DHRS4L2: variants seen among roughly 807,000 people sequenced by gnomAD.
DHRS4L2 encodes the protein dehydrogenase/reductase 4 like 2.
A neutral mutation model predicts 23.9 loss-of-function variants in DHRS4L2; 22 were observed. That is an observed-to-expected ratio of 0.92 (90% CI 0.66 to 1.31). The LOEUF is 1.31. DHRS4L2 is among the 40% of genes most tolerant of loss of function. The pLI is 0.00. For missense variants in DHRS4L2, 385 were observed against 303.3 expected (o/e 1.27, Z -2.00); for synonymous variants, 141 against 123.7 (o/e 1.14, Z -0.93).
At chr14:23,977,595 A>T (rs2033991451) in intron 1 of DHRS4L2, among the ~76,000 whole-genome samples, 1 of 151,800 alleles carries the variant, frequency 6.6e-6, no homozygotes, top group Non-Finnish European at 1.5e-5. Context: ...AACCCCCAAA[A>T]TCACTTTAAG....
At chr14:23,994,148 G>C (rs904345022) in intron 2 of DHRS4L2, among the ~76,000 whole-genome samples, 1 of 151,762 alleles carries the variant, frequency 6.6e-6, no homozygotes, top group Non-Finnish European at 1.5e-5. Context: ...ATTTAAGCCA[G>C]TTTTTCCATT....
intron 1 of DHRS4L2, among the ~76,000 whole-genome samples, chr14:23,983,606 C>T (rs1259804961): frequency 6.6e-6 from 1 of 151,592 alleles, no homozygotes; most frequent in Non-Finnish European, 1.5e-5. Flanking sequence ...GCACTGTTCA[C>T]AGTAGCAAAG....
At chr14:24,000,660 T>G (rs2034467209) in intron 3 of DHRS4L2, among the ~76,000 whole-genome samples, 1 of 151,826 alleles carries the variant, frequency 6.6e-6, no homozygotes, top group Admixed American at 6.6e-5. Flanking sequence ...CTGAACCTAA[T>G]GTATCATTAT....
chr14:23,974,932 C>T (rs999239095), intron 1 of DHRS4L2, among the ~76,000 whole-genome samples: 5 of 151,748 alleles, frequency 3.3e-5, no homozygotes, highest in African/African-American at 4.8e-5. Flanking sequence ...CAAAGCTTGG[C>T]AGAGACACAA....
At chr14:23,986,772 G>C (rs1257413334), upstream of DHRS4L2, among the ~76,000 whole-genome samples, 1 of 149,216 alleles carries the variant, frequency 6.7e-6, no homozygotes, top group Non-Finnish European at 1.5e-5. Context: ...ACCAAGCCCT[G>C]AGAACCCCCG....
chr14:23,975,809 T>C (rs1302775861), intron 1 of DHRS4L2, among the ~76,000 whole-genome samples: 3 of 151,748 alleles, frequency 2.0e-5, no homozygotes, highest in Non-Finnish European at 4.4e-5. Context: ...ACCACACATC[T>C]TCAACCATCT....
At chr14:23,986,735 T>TA (rs2034150811), upstream of DHRS4L2, among the ~76,000 whole-genome samples, 1 of 151,012 alleles carries the variant, frequency 6.6e-6, no homozygotes. Context: ...AGAGATCAAA[T>TA]ACCCCCCTGG....
chr14:23,995,559 T>C (rs2034364418), intron 3 of DHRS4L2, among the ~76,000 whole-genome samples: 1 of 151,844 alleles, frequency 6.6e-6, no homozygotes, highest in Admixed American at 6.6e-5. Flanking sequence ...TTATTTAAAA[T>C]ACTAATTCTG....
At chr14:23,972,895 C>G (rs191340808) in intron 1 of DHRS4L2, among the ~76,000 whole-genome samples, 1,734 of 151,988 alleles carry the variant, frequency 0.011, 47 homozygotes, top group African/African-American at 0.04. Context: ...TGGACGTGCA[C>G]GTAAGCCAGA....
At chr14:23,979,022 A>T (rs1012810328) in intron 1 of DHRS4L2, among the ~76,000 whole-genome samples, 1 of 141,350 alleles carries the variant, frequency 7.1e-6, no homozygotes, top group Admixed American at 7.1e-5. Context: ...AAGAGTCAAG[A>T]CCCATCATTG....
At chr14:23,995,450 C>T (rs557011425) in intron 3 of DHRS4L2, among the ~76,000 whole-genome samples, 1 of 151,856 alleles carries the variant, frequency 6.6e-6, no homozygotes, top group East Asian at 1.9e-4. Flanking sequence ...GCTAATATGC[C>T]AACAACTACA....
At chr14:23,983,889 G>A (rs1178950471), upstream of DHRS4L2, among the ~76,000 whole-genome samples, 1 of 151,522 alleles carries the variant, frequency 6.6e-6, no homozygotes, top group African/African-American at 2.4e-5. Flanking sequence ...TGGGTTTATA[G>A]GGGGCTGGGG....
Position 24,006,021 on chromosome 14 carries a change from G to C in DHRS4L2, c.*158G>C. On this transcript the variant is annotated 3_prime_UTR_variant, in exon 8 of 8. Coordinates refer to ENST00000335125, the MANE Select transcript of DHRS4L2 (RefSeq NM_198083.4). Reference sequence around the variant, plus strand: ...TCTGAGGACCGGGAGACAGCCCACAGGCCAGAGTTGGGCTCTAGCTCCTGG... The same window carrying C: ...TCTGAGGACCGGGAGACAGCCCACACGCCAGAGTTGGGCTCTAGCTCCTGG... The C allele has an allele frequency of 6.2e-7, 1 of 1,602,058 alleles. No homozygotes were observed.
At chr14:23,977,113 A>T (rs868179520) in intron 1 of DHRS4L2, among the ~76,000 whole-genome samples, 2 of 151,960 alleles carry the variant, frequency 1.3e-5, no homozygotes, top group Non-Finnish European at 1.5e-5. Flanking sequence ...TAATAAAAAA[A>T]GAAATTCTAG....
At chr14:23,977,740 C>T (rs1404049145) in intron 1 of DHRS4L2, among the ~76,000 whole-genome samples, 2 of 151,404 alleles carry the variant, frequency 1.3e-5, no homozygotes, top group Non-Finnish European at 2.9e-5. Flanking sequence ...GGAAAAAAAC[C>T]TCTGGCCTTC....
intron 2 of DHRS4L2, among the ~76,000 whole-genome samples, chr14:23,994,806 G>C (rs1345659371): frequency 1.3e-5 from 2 of 151,708 alleles, no homozygotes; most frequent in South Asian, 4.2e-4. Context: ...AGCTTTTGTT[G>C]TCATTGTTGT....
intron 2 of DHRS4L2, among the ~76,000 whole-genome samples, chr14:23,992,195 C>A (rs1361539789): frequency 6.6e-6 from 1 of 151,542 alleles, no homozygotes; most frequent in Non-Finnish European, 1.5e-5. Context: ...GAAGGATATA[C>A]AGAGGAGACA....
chr14:23,982,019 C>G (rs1214590301), intron 1 of DHRS4L2, among the ~76,000 whole-genome samples: 1 of 151,322 alleles, frequency 6.6e-6, no homozygotes, highest in African/African-American at 2.4e-5. Flanking sequence ...TCCTCTATCT[C>G]AACTGCAAGA....
intron 2 of DHRS4L2, among the ~76,000 whole-genome samples, chr14:23,991,190 T>C (rs1232347155): frequency 6.6e-6 from 1 of 151,718 alleles, no homozygotes; most frequent in Non-Finnish European, 1.5e-5. Flanking sequence ...CATAATCTTC[T>C]TAGAAGAGGA....
Sources: gnomAD v4.1 joint callset for allele counts (sites outside exome capture counted in the v4.1 genomes callset) on GRCh38, gnomAD v4.1.1 for gene constraint, MANE v1.5 for transcripts, NCBI Gene and HGNC (gene_info 2026-07-23, HGNC 2026-07-21) for gene names.